Variants in ABLIM1 observed in about 807,000 individuals in gnomAD.
The protein encoded by ABLIM1 is actin binding LIM protein 1.
A neutral mutation model predicts 107.0 loss-of-function variants in ABLIM1; 40 were observed. The ratio of observed to expected loss-of-function variants is 0.37; its 90% CI spans 0.29 to 0.49. ABLIM1 has a LOEUF of 0.49. ABLIM1 is among the 20% of genes least tolerant of loss of function. The probability of loss-of-function intolerance (pLI) is 0.97; values close to 1 mark genes in which losing one functional copy is unlikely to be tolerated. For synonymous variants in ABLIM1, 357 were observed against 357.3 expected, an observed-to-expected ratio of 1.00 and a Z score of 0.01; for missense variants, 857 against 1,008.5, an observed-to-expected ratio of 0.85 and a Z score of 2.04.
chr10:114,734,428 T>C (rs1310483143), intron 1 of ABLIM1, among the ~76,000 whole-genome samples: 1 of 152,120 alleles, frequency 6.6e-6, no homozygotes, highest in Non-Finnish European at 1.5e-5. Flanking sequence ...CCAATGACAC[T>C]CTCCCAAAGT....
intron 6 of ABLIM1, among the ~76,000 whole-genome samples, chr10:114,515,303 C>T (rs1426216492): frequency 2.2e-5 from 3 of 138,850 alleles, no homozygotes; most frequent in African/African-American, 5.3e-5. Flanking sequence ...CATTCCCTCC[C>T]GTGACCCTCT....
chr10:114,714,748 C>T (rs1170074173), intron 1 of ABLIM1, among the ~76,000 whole-genome samples: 2 of 152,184 alleles, frequency 1.3e-5, no homozygotes, highest in East Asian at 3.8e-4. Flanking sequence ...GGTATATAAA[C>T]TACAGATTCA....
intron 15 of ABLIM1, among the ~76,000 whole-genome samples, chr10:114,447,618 A>G (rs1228272291): frequency 6.6e-6 from 1 of 152,246 alleles, no homozygotes; most frequent in Non-Finnish European, 1.5e-5. Context: ...CTGAGAGTCC[A>G]TGCAAACCAT....
the ABLIM1 span, among the ~76,000 whole-genome samples, chr10:114,798,870 A>T: frequency 6.6e-6 from 1 of 151,878 alleles, no homozygotes; most frequent in African/African-American, 2.4e-5. Flanking sequence ...ATCTCAGCTC[A>T]CTGTAACCTC....
intron 10 of ABLIM1, 50 bp downstream of exon 10, chr10:114,472,927 A>G (rs2066867991): frequency 3.4e-6 from 5 of 1,461,768 alleles, no homozygotes; most frequent in Non-Finnish European, 4.6e-6. Flanking sequence ...AAATGTGACA[A>G]AAGGGAAGGT....
intron 1 of ABLIM1, among the ~76,000 whole-genome samples, chr10:114,712,849 C>T (rs547546280): frequency 3.3e-5 from 5 of 152,276 alleles, no homozygotes; most frequent in African/African-American, 7.2e-5. Flanking sequence ...AACCGTAGGG[C>T]AATGGATTGC....
intron 4 of ABLIM1, among the ~76,000 whole-genome samples, chr10:114,562,533 A>C (rs1331533862): frequency 1.3e-5 from 2 of 152,198 alleles, no homozygotes; most frequent in Non-Finnish European, 2.9e-5. Flanking sequence ...CATCTCAAAA[A>C]CCAAACAAAC....
chr10:114,761,462 C>T (rs977524244), intron 1 of ABLIM1, among the ~76,000 whole-genome samples: 1 of 152,166 alleles, frequency 6.6e-6, no homozygotes, highest in South Asian at 2.1e-4. Flanking sequence ...CCAAATTCCT[C>T]ATGCCAAAGT....
intron 1 of ABLIM1, among the ~76,000 whole-genome samples, chr10:114,761,832 T>A (rs1485230125): frequency 2.0e-5 from 3 of 152,042 alleles, no homozygotes; most frequent in Non-Finnish European, 4.4e-5. Flanking sequence ...CTTCCCTCCA[T>A]CCTATTCTTT....
Position 114,441,801 on chromosome 10 carries a change from A to T in ABLIM1, c.1934-15T>A, listed in dbSNP as rs1247002498. ...AATATGTGAAGCTGAGTAAGAAAAAAGTAAAAAACCAATTGTTAGGAAATC... is the reference window on the plus strand; with the variant it reads ...AATATGTGAAGCTGAGTAAGAAAAATGTAAAAAACCAATTGTTAGGAAATC... On this transcript the variant is annotated splice_polypyrimidine_tract_variant and intron_variant, in intron 17 of 22. Transcript: ENST00000533213. 1 of 1,608,566 alleles carries T rather than the reference A, an allele frequency of 6.2e-7. No homozygotes were observed. Among genetic ancestry groups the T allele is most frequent in the Non-Finnish European group, 8.5e-7 (1 of 1,174,916 alleles).
intron 8 of ABLIM1, among the ~76,000 whole-genome samples, chr10:114,476,025 T>C (rs1309405749): frequency 6.6e-6 from 1 of 152,244 alleles, no homozygotes; most frequent in African/African-American, 2.4e-5. Context: ...CACTATGCTG[T>C]TCACAGTTGA....
At chr10:114,664,413 C>T (rs147488216) in intron 1 of ABLIM1, among the ~76,000 whole-genome samples, 4 of 152,300 alleles carry the variant, frequency 2.6e-5, no homozygotes, top group African/African-American at 9.6e-5. Context: ...TTGGTAAATA[C>T]CATGCCACTG....
intron 6 of ABLIM1, among the ~76,000 whole-genome samples, chr10:114,505,037 G>A (rs1238818369): frequency 6.6e-6 from 1 of 152,146 alleles, no homozygotes; most frequent in Non-Finnish European, 1.5e-5. Context: ...GTATCTTCAG[G>A]AAGTTGGACC....
At chr10:114,693,411 G>T (rs1208610890) in intron 1 of ABLIM1, among the ~76,000 whole-genome samples, 3 of 152,192 alleles carry the variant, frequency 2.0e-5, no homozygotes, top group Non-Finnish European at 4.4e-5. Context: ...AGAATGAGTA[G>T]CCAAGGCAGG....
At chr10:114,794,032 G>A in the ABLIM1 span, among the ~76,000 whole-genome samples, 5 of 152,166 alleles carry the variant, frequency 3.3e-5, no homozygotes. Context: ...TCCATCTCCT[G>A]TAGGCACCAT....
At chr10:114,557,629 T>C (rs1392768132) in intron 4 of ABLIM1, among the ~76,000 whole-genome samples, 5 of 151,156 alleles carry the variant, frequency 3.3e-5, no homozygotes, top group African/African-American at 1.2e-4. Context: ...CTGTTAGGAG[T>C]GTTCTGGACT....
Position 114,437,809 on chromosome 10 carries a change from T to G in ABLIM1, c.2223+35A>C, listed in dbSNP as rs192620140. The G allele has an allele frequency of 7.6e-5, 119 of 1,568,476 alleles. No homozygotes were observed. The African/African-American group carries it at 1.5e-3, about 19-fold the overall frequency. Reference sequence around the variant, plus strand: ...AGAGTTGGGGGAGTGCATAGGGATCTGCAGTTGGGACTGGATTTTTCGGTT... The same window carrying G: ...AGAGTTGGGGGAGTGCATAGGGATCGGCAGTTGGGACTGGATTTTTCGGTT... On this transcript the variant is annotated intron_variant, in intron 22 of 22. Coordinates refer to ENST00000533213, the MANE Select transcript of ABLIM1 (RefSeq NM_002313.7).
intron 21 of ABLIM1, among the ~76,000 whole-genome samples, chr10:114,438,376 T>C (rs1483667930): frequency 3.3e-5 from 5 of 152,106 alleles, no homozygotes; most frequent in Admixed American, 3.3e-4. Flanking sequence ...CCTCCTATCT[T>C]ACCCTCCCGA....
chr10:114,443,916 C>T, intron 17 of ABLIM1, 113 bp downstream of exon 17: 1 of 826,980 alleles, frequency 1.2e-6, no homozygotes. Context: ...TCCCACACTT[C>T]CTTTCCCGTG....
Sources: gnomAD v4.1 joint callset for allele counts (sites outside exome capture counted in the v4.1 genomes callset) on GRCh38, gnomAD v4.1.1 for gene constraint, MANE v1.5 for transcripts, NCBI Gene and HGNC (gene_info 2026-07-23, HGNC 2026-07-21) for gene names.